The following CSNK1E variants were observed in gnomAD, a reference collection of about 807,000 sequenced individuals.
CSNK1E encodes casein kinase 1 epsilon.
Under a neutral mutation model 46.1 loss-of-function variants are expected in CSNK1E, and 17 were observed. That is an observed-to-expected ratio of 0.37 (90% CI 0.25 to 0.55). CSNK1E has a LOEUF of 0.55. Ranked by LOEUF, CSNK1E falls within the 20% of genes least tolerant of loss-of-function variation. The pLI is 0.82. For synonymous variants in CSNK1E, 241 were observed against 242.6 expected (o/e 0.99, Z 0.06); for missense variants, 386 against 595.4 (o/e 0.65, Z 3.66).
intron 7 of CSNK1E, among the ~76,000 whole-genome samples, chr22:38,295,020 G>T (rs1177389540): frequency 6.6e-6 from 1 of 152,182 alleles, no homozygotes; most frequent in East Asian, 1.9e-4. Flanking sequence ...CTAGTGGAAG[G>T]CTGGGCTAGG....
intron 9 of CSNK1E, 96 bp from the exon 10 acceptor site, chr22:38,293,415 A>G (rs1260201905): frequency 1.3e-6 from 1 of 786,738 alleles, no homozygotes; most frequent in Non-Finnish European, 2.1e-6. Context: ...AGATTTGGCA[A>G]GTCTCTCCCC....
In CSNK1E at chr22:38,300,073, G is replaced by A. The variant is rs755801722; in HGVS notation, c.566-8C>T. 17 of 1,612,640 alleles carry A rather than the reference G, an allele frequency of 1.1e-5. No individual in the cohort carries two copies. In the South Asian group the frequency reaches 1.4e-4, roughly 14 times the overall value. On this transcript the variant is annotated splice_polypyrimidine_tract_variant and splice_region_variant and intron_variant, in intron 5 of 10. Coordinates refer to ENST00000396832, the MANE Select transcript of CSNK1E (RefSeq NM_152221.3). This position sits in a 1 kb window ranked among gnomAD's most constrained non-coding sequence, Gnocchi z 4.4. ...CATCTCGACGGCTTTGCTCTGCACA[G>A]AGAGTCAAAGACTAGGTGAGGGACA...
intron 2 of CSNK1E, among the ~76,000 whole-genome samples, chr22:38,304,252 G>T (rs1479276241): frequency 1.3e-5 from 2 of 152,136 alleles, no homozygotes; most frequent in Non-Finnish European, 2.9e-5. Flanking sequence ...CAAGACAGGA[G>T]AAAGGCAGGA....
rs564949394 is a variant in CSNK1E, at chr22:38,300,145, C to G, written c.566-80G>C. The G allele has an allele frequency of 8.6e-6, 12 of 1,403,250 alleles. No individual in the cohort carries two copies. In the African/African-American group the frequency reaches 1.6e-4, roughly 18 times the overall value. 86.9% of individuals were successfully genotyped at this position (1,403,250 alleles called of 1,614,324 possible). The stretch of plus-strand genomic sequence containing the variant: ...CTCATCCTCTGGGTCATGCTCCTCA[C>G]AATGCACCAGGACCCTCCTGCCCCC... On this transcript the variant is annotated intron_variant, in intron 5 of 10. Transcript: ENST00000396832. This position sits in a 1 kb window ranked among gnomAD's most constrained non-coding sequence, Gnocchi z 4.4.
At chr22:38,315,525 G>C (rs969386606) in intron 1 of CSNK1E, among the ~76,000 whole-genome samples, 1 of 152,092 alleles carries the variant, frequency 6.6e-6, no homozygotes, top group Non-Finnish European at 1.5e-5. Context: ...ACGTTTGCAG[G>C]AAACCCACAC....
chr22:38,301,035 T>A, intron 4 of CSNK1E, 83 bp from the exon 5 acceptor site: 1 of 1,198,008 alleles, frequency 8.3e-7, no homozygotes, highest in Non-Finnish European at 1.2e-6. Flanking sequence ...GCCACAGAGG[T>A]GGAAAGGCAG....
rs775781644 is a variant in CSNK1E, at chr22:38,300,688, C to T, written c.565+36G>A. The T allele has an allele frequency of 2.5e-6, 4 of 1,597,570 alleles. No individual in the cohort carries two copies. The highest frequency in any genetic ancestry group is 1.7e-4 in the Middle Eastern group (1 of 5,982). ...AGAGAGCTGGGCCCCAGCCAGTGGC[C>T]CCGGGTGCACACTGCTCCAGGCCTG... is the stretch of plus-strand genomic sequence containing the variant. On this transcript the variant is annotated intron_variant, in intron 5 of 10. Coordinates refer to ENST00000396832, the MANE Select transcript of CSNK1E (RefSeq NM_152221.3). The surrounding 1 kb of genome is among the most constrained non-coding windows in gnomAD (Gnocchi z 4.4).
chr22:38,297,546 T>C, intron 7 of CSNK1E: 1 of 1,014,962 alleles, frequency 9.9e-7, no homozygotes, highest in Non-Finnish European at 1.2e-6. Context: ...AGAGCCTTGG[T>C]CCTAACCATC....
chr22:38,291,894 CTTTTTTTTTTTT>C lies in CSNK1E; in HGVS notation c.*65_*76del, dbSNP rs10560249. The C allele has an allele frequency of 3.0e-5, 3 of 99,206 alleles. 1 individual carries two copies. The highest frequency in any genetic ancestry group is 2.1e-4 in the Admixed American group (2 of 9,590). 6.1% of individuals were successfully genotyped at this position (99,206 alleles called of 1,614,324 possible). A position where few individuals can be genotyped will look rare whatever the true frequency, so the allele number is the denominator to read the frequency against. On this transcript the variant is annotated 3_prime_UTR_variant, in exon 11 of 11. Transcript: ENST00000396832. Reference sequence around the variant, plus strand: ...GTTCTTTTGAGTGGTTTATTTTTGCCTTTTTTTTTTTTTTTTTTTTTTTAAAGAAAATACAGT... The same window carrying C: ...GTTCTTTTGAGTGGTTTATTTTTGCCTTTTTTTTTTTAAAGAAAATACAGT...
At chr22:38,310,503 A>T (rs1399115263) in intron 2 of CSNK1E, among the ~76,000 whole-genome samples, 1 of 152,190 alleles carries the variant, frequency 6.6e-6, no homozygotes, top group Non-Finnish European at 1.5e-5. Flanking sequence ...GTTCCCACCC[A>T]TCAGAGGCCT....
chr22:38,304,101 T>C (rs190204049), intron 2 of CSNK1E, among the ~76,000 whole-genome samples: 45 of 152,126 alleles, frequency 3.0e-4, no homozygotes, highest in Non-Finnish European at 5.9e-4. Flanking sequence ...GTGGATGAGA[T>C]GAAGGGCTGG....
chr22:38,314,445 C>T (rs1408060757), intron 1 of CSNK1E, among the ~76,000 whole-genome samples: 1 of 152,220 alleles, frequency 6.6e-6, no homozygotes, highest in African/African-American at 2.4e-5. Context: ...AGAAGCTTCT[C>T]AAGGGATCAC....
chr22:38,304,987 T>G (rs1324611976), intron 2 of CSNK1E, among the ~76,000 whole-genome samples: 1 of 151,732 alleles, frequency 6.6e-6, no homozygotes, highest in Non-Finnish European at 1.5e-5. Flanking sequence ...CCGGGCGCAG[T>G]GGCAGGCATC....
chr22:38,306,968 C>T (rs892340024), intron 2 of CSNK1E, among the ~76,000 whole-genome samples: 6 of 151,992 alleles, frequency 3.9e-5, no homozygotes, highest in South Asian at 2.1e-4. Flanking sequence ...TCCAGCGGTT[C>T]GAGACCAGCC....
At chr22:38,296,834 G>T in intron 7 of CSNK1E, 1 of 946,066 alleles carries the variant, frequency 1.1e-6, no homozygotes, top group Non-Finnish European at 1.6e-6. Flanking sequence ...GAGGGCAGTG[G>T]CATGATCTCA....
At position 38,294,413 on chromosome 22, in the gene CSNK1E, GC is replaced by G; in HGVS notation, c.1006del (p.Ala336ProfsTer41). 3 of 1,558,428 alleles carry G rather than the reference GC, an allele frequency of 1.9e-6. No homozygotes were observed. ...RALPPGPPTG[A>X]TANRLRSAAE... is the part of the protein sequence containing the mutation. Reference sequence around the variant, plus strand: ...GGCACTGCGGAGCCGGTTGGCAGTGGCCCCCGTGGGTGGGCCAGGGGGCAGG... The same window carrying G: ...GGCACTGCGGAGCCGGTTGGCAGTGGCCCCGTGGGTGGGCCAGGGGGCAGG... On this transcript the variant is annotated frameshift_variant, in exon 8 of 11. Transcript: ENST00000396832. LOFTEE classifies it high-confidence loss of function. This position sits in a 1 kb window ranked among gnomAD's most constrained non-coding sequence, Gnocchi z 5.5.
Position 38,300,811 on chromosome 22 carries a change from G to C in CSNK1E, c.478C>G (p.Arg160Gly). The stretch of plus-strand genomic sequence containing the variant: ...CGGTAGGGAATGTGCTGGTGGGTGC[G>C]GGCGTCCCGGTACTTCTTGGCCAGG... ...FGLAKKYRDA[R>G]THQHIPYREN... is the part of the protein sequence containing the mutation. Residue 160 changes from arginine (R) to glycine (G), a missense_variant, in exon 5 of 11, where the codon CGC becomes GGC. By Grantham distance (125) the Arg-to-Gly change is moderately radical. This residue lies in a region of CSNK1E where 212 missense variants were observed against 410.2 expected (regional missense o/e 0.52). Coordinates refer to ENST00000396832, the MANE Select transcript of CSNK1E (RefSeq NM_152221.3). This position sits in a 1 kb window ranked among gnomAD's most constrained non-coding sequence, Gnocchi z 4.4. 6.2e-7 allele frequency: 1 copy of C among 1,614,266 alleles called. No homozygotes were observed.
In CSNK1E at chr22:38,298,955, T is replaced by C. The variant is rs745308929; in HGVS notation, c.737-21A>G. 5.6e-6 allele frequency: 9 copies of C among 1,613,572 alleles called. No individual in the cohort carries two copies. The highest frequency in any genetic ancestry group is 2.2e-5 in the East Asian group (1 of 44,860). ...TTCGGCTGGAGGGTGTTGCAGAGGA[T>C]AGAGAAGGCCACTGTGAGGCCCACG... On this transcript the variant is annotated intron_variant, in intron 6 of 10. Transcript: ENST00000396832. The surrounding 1 kb of genome is among the most constrained non-coding windows in gnomAD (Gnocchi z 4.2).
Position 38,315,401 on chromosome 22 carries a change from G to A in CSNK1E, c.-12-1232C>T, listed in dbSNP as rs78861105. On this transcript the variant is annotated intron_variant, in intron 1 of 10. Transcript: ENST00000396832. Reference sequence around the variant, plus strand: ...TCACCAGCCCTCCACCAATAACCACGAGGCAGGGACCTCCACCAGAGCTGG... The same window carrying A: ...TCACCAGCCCTCCACCAATAACCACAAGGCAGGGACCTCCACCAGAGCTGG... 6.2e-3 allele frequency among the ~76,000 whole-genome samples: 950 copies of A among 152,306 alleles called. 14 individuals carry two copies. Among genetic ancestry groups the A allele is most frequent in the African/African-American group, 0.021 (878 of 41,562 alleles).
Sources: allele counts gnomAD v4.1 joint callset (sites outside exome capture counted in the v4.1 genomes callset), GRCh38; gene constraint gnomAD v4.1.1; regional missense constraint gnomAD v4.1.1; non-coding constraint Gnocchi (gnomAD v3.1); transcripts MANE v1.5; gene names NCBI Gene and HGNC (gene_info 2026-07-23, HGNC 2026-07-21).